MCM5: variants seen among roughly 807,000 people sequenced by gnomAD.
MCM5 encodes the protein minichromosome maintenance complex component 5.
MCM5 carries 46 observed loss-of-function variants against 79.9 expected under a neutral mutation model. The ratio of observed to expected loss-of-function variants is 0.58; its 90% CI spans 0.45 to 0.74. The LOEUF (loss-of-function observed/expected upper bound fraction) is 0.74, where lower values mean the gene tolerates loss of function less well. Ranked by LOEUF, MCM5 falls within the 30% of genes least tolerant of loss-of-function variation. MCM5 has a pLI of 0.00. For missense variants in MCM5, 883 were observed against 1,017.0 expected, an observed-to-expected ratio of 0.87 and a Z score of 1.79; for synonymous variants, 404 against 390.5, an observed-to-expected ratio of 1.03 and a Z score of -0.41.
chr22:35,445,791 A>G, the MCM5 span, among the ~76,000 whole-genome samples: 1 of 152,136 alleles, frequency 6.6e-6, no homozygotes, highest in East Asian at 1.9e-4. Flanking sequence ...GATTACAGGC[A>G]TGAGCCACCA....
At chr22:35,423,375 C>A (rs561835941) in intron 16 of MCM5, 34 bp downstream of exon 16, 3 of 1,562,866 alleles carry the variant, frequency 1.9e-6, no homozygotes, top group East Asian at 4.7e-5. Context: ...TGTGAGCCGG[C>A]ACGGGGTGCA....
the MCM5 span, among the ~76,000 whole-genome samples, chr22:35,434,630 A>G: frequency 6.6e-6 from 1 of 152,204 alleles, no homozygotes; most frequent in African/African-American, 2.4e-5. Flanking sequence ...CATTCCTACC[A>G]CAGCCTGTCT....
chr22:35,453,580 GAGAC>G, the MCM5 span, among the ~76,000 whole-genome samples: 39 of 151,436 alleles, frequency 2.6e-4, no homozygotes, highest in Non-Finnish European at 3.5e-4. Flanking sequence ...GTGAATCAGA[GAGAC>G]AGACAGAGAT....
At chr22:35,408,157 T>C (rs565477851) in intron 5 of MCM5, among the ~76,000 whole-genome samples, 9 of 152,288 alleles carry the variant, frequency 5.9e-5, no homozygotes, top group African/African-American at 1.7e-4. Flanking sequence ...GTCTGCCTCC[T>C]CTCAGCAAGT....
the MCM5 span, among the ~76,000 whole-genome samples, chr22:35,453,819 TAGAGAGAGAG>T: frequency 1.2e-4 from 10 of 81,548 alleles, no homozygotes; most frequent in African/African-American, 1.2e-4. Flanking sequence ...TATATATATA[TAGAGAGAGAG>T]AGAGAGAGAG....
At chr22:35,434,388 G>C in the MCM5 span, among the ~76,000 whole-genome samples, 1 of 152,054 alleles carries the variant, frequency 6.6e-6, no homozygotes, top group Admixed American at 6.6e-5. Flanking sequence ...TCAGTAACCT[G>C]AACTCCCCAC....
At chr22:35,447,235 G>A in the MCM5 span, among the ~76,000 whole-genome samples, 2 of 152,144 alleles carry the variant, frequency 1.3e-5, no homozygotes, top group African/African-American at 2.4e-5. Flanking sequence ...TGCAAAGGGT[G>A]GAACAGATGG....
chr22:35,403,729 GT>G (rs2145783047), intron 4 of MCM5, among the ~76,000 whole-genome samples, 187 bp downstream of exon 4: 1 of 152,278 alleles, frequency 6.6e-6, no homozygotes, highest in South Asian at 2.1e-4. Context: ...AAAGCAGAGA[GT>G]AGTATAATGA....
the MCM5 span, among the ~76,000 whole-genome samples, chr22:35,438,426 TCCATCCAC>T: frequency 8.5e-4 from 125 of 147,082 alleles, 1 homozygote; most frequent in African/African-American, 3.0e-3. Context: ...CATCCATCCA[TCCATCCAC>T]ATATTCATCC....
the MCM5 span, among the ~76,000 whole-genome samples, chr22:35,447,708 C>T: frequency 3.3e-5 from 5 of 152,164 alleles, no homozygotes; most frequent in African/African-American, 1.2e-4. Flanking sequence ...CTCAAGTGAT[C>T]GGCCTGTCTC....
At chr22:35,402,420 G>A (rs542927623) in intron 2 of MCM5, among the ~76,000 whole-genome samples, 2 of 151,500 alleles carry the variant, frequency 1.3e-5, no homozygotes, top group East Asian at 1.9e-4. Flanking sequence ...GCTGCCTGCC[G>A]GGTTCAAGTG....
Position 35,403,510 on chromosome 22 carries a change from G to T in MCM5, c.391G>T (p.Asp131Tyr), listed in dbSNP as rs749127666. Residue 131 changes from aspartate to tyrosine, a missense_variant, in exon 4 of 17, where the codon GAC (aspartate) becomes TAC (tyrosine). Asp to Tyr is a radical substitution (Grantham distance 160, BLOSUM62 -3). This residue lies in a region of MCM5 where 455 missense variants were observed against 517.5 expected (regional missense o/e 0.88). Coordinates refer to ENST00000216122, the MANE Select transcript of MCM5 (RefSeq NM_006739.4). ...GGACATCCAGGTCATGCTCAAGTCGGACGCCAGCCCTTCCAGCATTCGTAG... is the reference window on the plus strand; with the variant it reads ...GGACATCCAGGTCATGCTCAAGTCGTACGCCAGCCCTTCCAGCATTCGTAG... ...LQDIQVMLKS[D>Y]ASPSSIRSLK... 1.9e-6 allele frequency: 3 copies of T among 1,614,110 alleles called. No individual in the cohort carries two copies. Among genetic ancestry groups the T allele is most frequent in the Non-Finnish European group, 2.5e-6 (3 of 1,180,044 alleles).
At chr22:35,426,152 C>T (rs1019302531), downstream of MCM5, among the ~76,000 whole-genome samples, 3 of 152,038 alleles carry the variant, frequency 2.0e-5, no homozygotes, top group Non-Finnish European at 4.4e-5. Context: ...AAAGGGGGTC[C>T]GACTGGCTTT....
At chr22:35,431,842 A>AG in the MCM5 span, among the ~76,000 whole-genome samples, 4 of 152,106 alleles carry the variant, frequency 2.6e-5, no homozygotes, top group African/African-American at 9.7e-5. Flanking sequence ...CTCCTCCTCC[A>AG]GGGGGCCCTC....
intron 9 of MCM5, among the ~76,000 whole-genome samples, chr22:35,414,514 G>A (rs1932483267): frequency 6.6e-6 from 1 of 152,152 alleles, no homozygotes; most frequent in South Asian, 2.1e-4. Flanking sequence ...AGCTGCTTGG[G>A]AGGCTGAGGT....
rs1236077855 is a variant in MCM5, at chr22:35,425,217, A to C, written c.*962A>C. The C allele has an allele frequency of 6.6e-6, 1 of 152,208 alleles. No homozygotes were observed. Among genetic ancestry groups the C allele is most frequent in the African/African-American group, 2.4e-5 (1 of 41,438 alleles). The allele number at this position is 152,208 out of a possible 1,614,324, so 9.4% of individuals were successfully genotyped here. A position where few individuals can be genotyped will look rare whatever the true frequency, so the allele number is the denominator to read the frequency against. Reference sequence around the variant, plus strand: ...TGAGTTGGTATGTTTTGTGTTTTTAAAAAAGCTAGGATTCATAAAATTAAA... The same window carrying C: ...TGAGTTGGTATGTTTTGTGTTTTTACAAAAGCTAGGATTCATAAAATTAAA... On this transcript the variant is annotated 3_prime_UTR_variant, in exon 17 of 17. Coordinates refer to ENST00000216122, the MANE Select transcript of MCM5 (RefSeq NM_006739.4).
the MCM5 span, among the ~76,000 whole-genome samples, chr22:35,437,623 G>A: frequency 6.6e-6 from 1 of 152,186 alleles, no homozygotes; most frequent in African/African-American, 2.4e-5. Context: ...TAACTGAAAG[G>A]TTCCTGACTA....
At chr22:35,414,412 G>A (rs900846549) in intron 9 of MCM5, among the ~76,000 whole-genome samples, 1 of 152,054 alleles carries the variant, frequency 6.6e-6, no homozygotes, top group Non-Finnish European at 1.5e-5. Flanking sequence ...TTGAGCTCAG[G>A]AGTTTGAGAC....
chr22:35,415,762 CTT>C, intron 9 of MCM5, 65 bp from the exon 10 acceptor site: 1 of 1,562,200 alleles, frequency 6.4e-7, no homozygotes, highest in Non-Finnish European at 8.7e-7. Flanking sequence ...CTCAGTGGGT[CTT>C]TTTGTCTTAT....
Sources: gnomAD v4.1 joint callset for allele counts (sites outside exome capture counted in the v4.1 genomes callset) on GRCh38, gnomAD v4.1.1 for gene constraint, gnomAD v4.1.1 regional missense constraint, MANE v1.5 for transcripts, NCBI Gene and HGNC (gene_info 2026-07-23, HGNC 2026-07-21) for gene names.